PRRG3: variants seen among roughly 807,000 people sequenced by gnomAD.
The protein encoded by PRRG3 is proline rich and Gla domain 3.
Under a neutral mutation model 15.8 loss-of-function variants are expected in PRRG3, and 21 were observed. That is an observed-to-expected ratio of 1.33 (90% CI 0.94 to 1.92). The LOEUF (loss-of-function observed/expected upper bound fraction) is 1.92. PRRG3 is among the 40% of genes most tolerant of loss of function. The probability of loss-of-function intolerance (pLI) is 0.00; values close to 1 mark genes in which losing one functional copy is unlikely to be tolerated. For missense variants in PRRG3, 251 were observed against 200.2 expected, an observed-to-expected ratio of 1.25 and a Z score of -1.53; for synonymous variants, 125 against 84.1, an observed-to-expected ratio of 1.49 and a Z score of -2.66.
rs749135814 is a variant in PRRG3 at position 151,701,976 on chromosome X, G to C, written c.*943G>C. 1.4e-4 allele frequency: 16 copies of C among 112,473 alleles called. No homozygotes were observed. The highest frequency in any genetic ancestry group is 4.5e-4 in the African/African-American group (14 of 30,996). The allele number at this position is 112,473 out of a possible 1,213,427, so 9.3% of individuals were successfully genotyped here. A position where few individuals can be genotyped will look rare whatever the true frequency, so the allele number is the denominator to read the frequency against. On this transcript the variant is annotated 3_prime_UTR_variant, in exon 4 of 4. Transcript: ENST00000674457. ...GTCCCTTTTAAAACATTTATTTGTG[G>C]AGAAGCCCGTGGCCTGGGGTTGAAG...
At position 151,698,836 on chromosome X, in the gene PRRG3, G is replaced by A. The variant is rs770264467; in HGVS notation, c.7+15G>A. The A allele has an allele frequency of 8.3e-7, 1 of 1,199,148 alleles. No individual in the cohort carries two copies. The highest frequency in any genetic ancestry group is 1.1e-6 in the Non-Finnish European group (1 of 886,532). On this transcript the variant is annotated intron_variant, in intron 2 of 3. Transcript: ENST00000674457. ...CATCATGGCAGGTGAGTTTTTCCAG[G>A]CCTGGGCAGAGCCGTGGAGGGCCAT...
Position 151,701,437 on chromosome X carries a change from C to T in PRRG3, c.*404C>T, listed in dbSNP as rs2014884158. The T allele has an allele frequency of 7.6e-6, 1 of 131,018 alleles. No homozygotes were observed. Among genetic ancestry groups the T allele is most frequent in the African/African-American group, 3.1e-5 (1 of 31,870 alleles). The allele number at this position is 131,018 out of a possible 1,213,427, so 10.8% of individuals were successfully genotyped here. A position where few individuals can be genotyped will look rare whatever the true frequency, so the allele number is the denominator to read the frequency against. On this transcript the variant is annotated 3_prime_UTR_variant, in exon 4 of 4. Transcript: ENST00000674457. ...CCTGCCTGTGTCTAGAGCTCTGGGC[C>T]TCAGGGGTAAGGGAAGGAAGCCAGC...
intron 1 of PRRG3, 96 bp from the exon 2 acceptor site, chrX:151,698,688 A>G: frequency 4.6e-6 from 3 of 647,517 alleles, no homozygotes; most frequent in East Asian, 7.0e-5. Context: ...CCTTTTGACC[A>G]CGCCAGTGGG....
rs923607821 is a variant in PRRG3, at chrX:151,705,274, C to T, written c.*4241C>T. 5.0e-5 allele frequency: 17 copies of T among 341,561 alleles called. No homozygotes were observed. The highest frequency in any genetic ancestry group is 4.2e-4 in the African/African-American group (16 of 37,819). The allele number at this position is 341,561 out of a possible 1,213,427, so 28.1% of individuals were successfully genotyped here. On this transcript the variant is annotated 3_prime_UTR_variant, in exon 4 of 4. Coordinates refer to ENST00000674457, the MANE Select transcript of PRRG3 (RefSeq NM_001372163.1). ...TTCTAAATATTCTGTAAAGCAGATG[C>T]TTCGCTGTCAGACTGGCCGCTCCAT...
chrX:151,701,031 T>C lies in PRRG3; in HGVS notation c.694T>C (p.Ter232GlnextTer21). The change falls in exon 4 of 4, where the codon TAG (stop) becomes CAG (glutamine). Residue 232 changes from the stop codon to glutamine (Q), a stop_lost. Transcript: ENST00000674457. Reference protein sequence around the residue: ...IVAANPGADK* With the variant: ...IVAANPGADKQ ...GGCCGCCAACCCTGGCGCTGACAAGTAGTGGGACGTTTGTGCCCTGTCCTG... is the reference window on the plus strand; with the variant it reads ...GGCCGCCAACCCTGGCGCTGACAAGCAGTGGGACGTTTGTGCCCTGTCCTG... 8.8e-7 allele frequency: 1 copy of C among 1,137,446 alleles called. No homozygotes were observed. The highest frequency in any genetic ancestry group is 2.3e-5 in the South Asian group (1 of 43,107). 93.7% of individuals were successfully genotyped at this position (1,137,446 alleles called of 1,213,427 possible).
At position 151,700,760 on chromosome X, in the gene PRRG3, C is replaced by T; in HGVS notation, c.423C>T (p.Ser141=). 1 of 1,202,412 alleles carries T rather than the reference C, an allele frequency of 8.3e-7. No homozygotes were observed. The highest frequency in any genetic ancestry group is 1.8e-5 in the South Asian group (1 of 56,225). ...RVMVYRGTVH[S]QGEPSGHREA... ...TGGTGTACCGGGGTACTGTGCATAG[C>T]CAAGGGGAGCCTTCTGGGCACCGAG... Residue 141 remains serine (S), a synonymous_variant, in exon 4 of 4, where the codon AGC becomes AGT. Transcript: ENST00000674457.
rs1203799121 is a variant in PRRG3 at position 151,705,493 on chromosome X, G to A, written c.*4460G>A. On this transcript the variant is annotated 3_prime_UTR_variant, in exon 4 of 4. Transcript: ENST00000674457. ...CCTGCCCTTCACCCACCCCCAGCCC[G>A]AGCATTAACACAGATCTTCAGGATT... The A allele has an allele frequency of 3.3e-6, 1 of 305,254 alleles. No individual in the cohort carries two copies. The highest frequency in any genetic ancestry group is 3.2e-5 in the South Asian group (1 of 31,114). 25.2% of individuals were successfully genotyped at this position (305,254 alleles called of 1,213,427 possible).
chrX:151,700,543 C>T lies in PRRG3; in HGVS notation c.206C>T (p.Ser69Phe). The T allele has an allele frequency of 8.3e-7, 1 of 1,202,105 alleles. No homozygotes were observed. The highest frequency in any genetic ancestry group is 3.0e-5 in the East Asian group (1 of 33,610). The change falls in exon 4 of 4, where the codon TCT becomes TTT. Residue 69 changes from serine (S) to phenylalanine (F), a missense_variant. Coordinates refer to ENST00000674457, the MANE Select transcript of PRRG3 (RefSeq NM_001372163.1). ...FWKGYPNAVY[S>F]VRDPSQSSDA... ...AAAGGGTACCCAAATGCAGTCTACT[C>T]TGTCCGAGACCCCTCGCAGAGCTCA...
chrX:151,700,032 A>C lies in PRRG3; in HGVS notation c.44A>C (p.Lys15Thr). ...LEAKDAHSVLKRFPRANEFLE... is the reference protein window; with the variant it reads ...LEAKDAHSVLTRFPRANEFLE... ...GCCAAGGATGCCCATTCGGTCCTGA[A>C]ACGATTCCCTCGTGCCAATGAGTTC... is the stretch of plus-strand genomic sequence containing the variant. Residue 15 changes from lysine (K) to threonine (T), a missense_variant, in exon 3 of 4, where the codon AAA becomes ACA. Transcript: ENST00000674457. 8.3e-7 allele frequency: 1 copy of C among 1,211,293 alleles called. No individual in the cohort carries two copies. The highest frequency in any genetic ancestry group is 3.0e-5 in the East Asian group (1 of 33,840).
At position 151,705,132 on chromosome X, in the gene PRRG3, C is replaced by G. The variant is rs913472829; in HGVS notation, c.*4099C>G. 4.7e-5 allele frequency: 13 copies of G among 275,470 alleles called. No individual in the cohort carries two copies. Among genetic ancestry groups the G allele is most frequent in the African/African-American group, 3.4e-4 (12 of 35,540 alleles). 22.7% of individuals were successfully genotyped at this position (275,470 alleles called of 1,213,427 possible). On this transcript the variant is annotated 3_prime_UTR_variant, in exon 4 of 4. Transcript: ENST00000674457. Reference sequence around the variant, plus strand: ...TATGTACAGGGTGATCTCTTGTTCTCTCTCCATCACAGGGATGTTGGATAT... The same window carrying G: ...TATGTACAGGGTGATCTCTTGTTCTGTCTCCATCACAGGGATGTTGGATAT...
rs375885163 is a variant in PRRG3 at position 151,700,638 on chromosome X, T to C, written c.301T>C (p.Trp101Arg). The change falls in exon 4 of 4, where the codon TGG (tryptophan) becomes CGG (arginine). Residue 101 changes from tryptophan (W) to arginine (R), a missense_variant. Transcript: ENST00000674457. ...GATTGTCATCGCCTTGTTCATCATC[T>C]GGAGGTGCCAGCTGCAGAAAGCGAC... ...LLIVIALFII[W>R]RCQLQKATRH... 137 of 1,209,582 alleles carry C rather than the reference T, an allele frequency of 1.1e-4. No homozygotes were observed. The Middle Eastern group carries it at 1.6e-3, about 14-fold the overall frequency.
chrX:151,700,495 T>G lies in PRRG3; in HGVS notation c.169-11T>G. The G allele has an allele frequency of 8.5e-7, 1 of 1,173,418 alleles. No homozygotes were observed. The highest frequency in any genetic ancestry group is 1.1e-6 in the Non-Finnish European group (1 of 873,539). ...TTGAGCTTCTCTTAAGTACCACTTT[T>G]TCTTTTGCAGATGGAGTTCTGGAAA... On this transcript the variant is annotated splice_polypyrimidine_tract_variant and intron_variant, in intron 3 of 3. Coordinates refer to ENST00000674457, the MANE Select transcript of PRRG3 (RefSeq NM_001372163.1).
chrX:151,700,084 C>T lies in PRRG3; in HGVS notation c.96C>T (p.Ile32=), dbSNP rs1167686279. 2.5e-6 allele frequency: 3 copies of T among 1,210,190 alleles called. No individual in the cohort carries two copies. Among genetic ancestry groups the T allele is most frequent in the Admixed American group, 2.2e-5 (1 of 45,816 alleles). The change falls in exon 3 of 4, where the codon ATC becomes ATT. Residue 32 remains isoleucine, a synonymous_variant. Transcript: ENST00000674457. ...EFLEELRQGT[I]ERECMEEICS... ...TGGAGGAGCTGCGCCAGGGCACCATCGAGCGAGAGTGCATGGAGGAGATCT... is the reference window on the plus strand; with the variant it reads ...TGGAGGAGCTGCGCCAGGGCACCATTGAGCGAGAGTGCATGGAGGAGATCT...
Position 151,700,856 on chromosome X carries a change from C to G in PRRG3, c.519C>G (p.Ser173Arg). The change falls in exon 4 of 4, where the codon AGC becomes AGG. Residue 173 changes from serine to arginine, a missense_variant. Coordinates refer to ENST00000674457, the MANE Select transcript of PRRG3 (RefSeq NM_001372163.1). Reference protein sequence around the residue: ...RGGRTTVRLESTLYLPELSLS... With the variant: ...RGGRTTVRLERTLYLPELSLS... Reference sequence around the variant, plus strand: ...GCAGGACCACAGTCCGGCTAGAGAGCACCCTCTACCTCCCTGAGCTCTCTC... The same window carrying G: ...GCAGGACCACAGTCCGGCTAGAGAGGACCCTCTACCTCCCTGAGCTCTCTC... 1 of 1,205,474 alleles carries G rather than the reference C, an allele frequency of 8.3e-7. No homozygotes were observed. The highest frequency in any genetic ancestry group is 1.8e-5 in the South Asian group (1 of 56,274).
intron 2 of PRRG3, among the ~76,000 whole-genome samples, chrX:151,699,153 A>G (rs1416301373): frequency 8.9e-6 from 1 of 112,732 alleles, no homozygotes; most frequent in Non-Finnish European, 1.9e-5. Context: ...AGGAAGTCCC[A>G]CCTCTAGGTG....
Position 151,705,557 on chromosome X carries a change from C to T in PRRG3, c.*4524C>T. 4 of 257,456 alleles carry T rather than the reference C, an allele frequency of 1.6e-5. No individual in the cohort carries two copies. In the South Asian group the frequency reaches 1.8e-4, roughly 11 times the overall value. 21.2% of individuals were successfully genotyped at this position (257,456 alleles called of 1,213,427 possible). A position where few individuals can be genotyped will look rare whatever the true frequency, so the allele number is the denominator to read the frequency against. On this transcript the variant is annotated 3_prime_UTR_variant, in exon 4 of 4. Transcript: ENST00000674457. ...CAGCTGCTTTTGCCTCTCAATCCATCTCCCCTCATCGATACCAATTTCCCA... is the reference window on the plus strand; with the variant it reads ...CAGCTGCTTTTGCCTCTCAATCCATTTCCCCTCATCGATACCAATTTCCCA...
rs2014838524 is a variant in PRRG3, at chrX:151,700,122, A to G, written c.134A>G (p.Glu45Gly). The change falls in exon 3 of 4, where the codon GAG (glutamate) becomes GGG (glycine). Residue 45 changes from glutamate (E) to glycine (G), a missense_variant. Coordinates refer to ENST00000674457, the MANE Select transcript of PRRG3 (RefSeq NM_001372163.1). Reference sequence around the variant, plus strand: ...ATGGAGGAGATCTGCAGCTACGAGGAGGTCAAGGAAGTGTTTGAGAACAAA... The same window carrying G: ...ATGGAGGAGATCTGCAGCTACGAGGGGGTCAAGGAAGTGTTTGAGAACAAA... ...ECMEEICSYE[E>G]VKEVFENKEK... 8.3e-7 allele frequency: 1 copy of G among 1,211,792 alleles called. No homozygotes were observed.
At chrX:151,698,761 A>G in intron 1 of PRRG3, 23 bp from the exon 2 acceptor site, 1 of 1,171,629 alleles carries the variant, frequency 8.5e-7, no homozygotes, top group East Asian at 3.0e-5. Flanking sequence ...TTTCACTGCA[A>G]CTTTGCTTTT....
rs1268751596 is a variant in PRRG3 at position 151,702,269 on chromosome X, A to G, written c.*1236A>G. 8.9e-6 allele frequency: 1 copy of G among 112,812 alleles called. No individual in the cohort carries two copies. Among genetic ancestry groups the G allele is most frequent in the African/African-American group, 3.2e-5 (1 of 31,038 alleles). 9.3% of individuals were successfully genotyped at this position (112,812 alleles called of 1,213,427 possible). A position where few individuals can be genotyped will look rare whatever the true frequency, so the allele number is the denominator to read the frequency against. The stretch of plus-strand genomic sequence containing the variant: ...CTATTGGCAACCACAGCAATTTAAA[A>G]TCCACTGAGCTGACAAGCTTTTTTC... On this transcript the variant is annotated 3_prime_UTR_variant, in exon 4 of 4. Transcript: ENST00000674457.
Sources: gnomAD v4.1 joint callset for allele counts (sites outside exome capture counted in the v4.1 genomes callset) on GRCh38, gnomAD v4.1.1 for gene constraint, MANE v1.5 for transcripts, NCBI Gene and HGNC (gene_info 2026-07-23, HGNC 2026-07-21) for gene names.